FMO4: variants seen among roughly 807,000 people sequenced by gnomAD.
FMO4 encodes dimethylaniline monooxygenase [N-oxide-forming] 4.
Under a neutral mutation model 43.3 loss-of-function variants are expected in FMO4, and 38 were observed. The observed-to-expected ratio is 0.88, with a 90% CI of 0.68 to 1.15. FMO4 has a LOEUF of 1.15. Among genes scored for constraint, FMO4 ranks in the 50% most tolerant of loss-of-function variants. The pLI is 0.00. For synonymous variants in FMO4, 224 were observed against 232.2 expected (o/e 0.96, Z 0.32); for missense variants, 631 against 663.3 (o/e 0.95, Z 0.54).
intron 2 of FMO4, among the ~76,000 whole-genome samples, chr1:171,318,886 T>C (rs554960313): frequency 4.6e-5 from 7 of 152,222 alleles, no homozygotes; most frequent in Admixed American, 3.3e-4. Context: ...CTTGTTTGCA[T>C]GTTCAAACCC....
At chr1:171,325,817 C>CTTTTTTTTTTTTTTTTTTTTTTTTTTT (rs869107866) in intron 5 of FMO4, among the ~76,000 whole-genome samples, 1 of 51,032 alleles carries the variant, frequency 2.0e-5, no homozygotes, top group African/African-American at 6.3e-5. Flanking sequence ...ATAGACTATC[C>CTTTTTTTTTTTTTTTTTTTTTTTTTTT]TTTTTTTTTT....
At chr1:171,320,754 T>A (rs1036479021) in intron 3 of FMO4, among the ~76,000 whole-genome samples, 13 of 152,036 alleles carry the variant, frequency 8.6e-5, no homozygotes, top group African/African-American at 2.7e-4. Context: ...GGTGGGAGGA[T>A]CACTTGAGGC....
At chr1:171,325,514 T>G (rs1662620120) in intron 5 of FMO4, among the ~76,000 whole-genome samples, 1 of 152,116 alleles carries the variant, frequency 6.6e-6, no homozygotes, top group Admixed American at 6.5e-5. Flanking sequence ...TTCTTATAAA[T>G]GTAATCACAA....
chr1:171,323,295 T>A, intron 4 of FMO4, 103 bp downstream of exon 4: 1 of 720,708 alleles, frequency 1.4e-6, no homozygotes, highest in East Asian at 2.6e-5. Flanking sequence ...TGATTTTATC[T>A]CCAAATAAAT....
intron 2 of FMO4, among the ~76,000 whole-genome samples, chr1:171,318,489 T>TA (rs1158983116): frequency 1.3e-5 from 2 of 151,898 alleles, no homozygotes; most frequent in African/African-American, 4.8e-5. Flanking sequence ...CATTTCTATT[T>TA]AAAAAAATTA....
intron 8 of FMO4, among the ~76,000 whole-genome samples, chr1:171,336,836 A>C (rs1663136726): frequency 6.6e-6 from 1 of 152,020 alleles, no homozygotes. Flanking sequence ...TCTTGGACTT[A>C]AGCTGTCCTC....
At chr1:171,315,666 G>A (rs1382706420) in intron 1 of FMO4, among the ~76,000 whole-genome samples, 1 of 152,124 alleles carries the variant, frequency 6.6e-6, no homozygotes, top group Non-Finnish European at 1.5e-5. Context: ...ACTGACTCAA[G>A]GCAAAATTTA....
intron 2 of FMO4, 66 bp from the exon 3 acceptor site, chr1:171,319,752 C>A (rs1396364937): frequency 4.7e-6 from 7 of 1,488,850 alleles, no homozygotes; most frequent in Non-Finnish European, 6.5e-6. Context: ...AAAATTGAGT[C>A]TTTTGACAAG....
At position 171,324,226 on chromosome 1, in the gene FMO4, G is replaced by A. The variant is rs746015058; in HGVS notation, c.410G>A (p.Arg137Lys). ...ACAGAGACAGAGGGCAAGCAAAATA[G>A]AGCTGTCTTTGATGCTGTTATGGTT... ...VVTETEGKQN[R>K]AVFDAVMVCT... The change falls in exon 5 of 10, where the codon AGA becomes AAA. Residue 137 changes from arginine (R) to lysine (K), a missense_variant. Physicochemically the swap from Arg to Lys is conservative, Grantham distance 26. Transcript: ENST00000367749. 2 of 1,613,788 alleles carry A rather than the reference G, an allele frequency of 1.2e-6. No individual in the cohort carries two copies. Among genetic ancestry groups the A allele is most frequent in the South Asian group, 2.2e-5 (2 of 91,038 alleles).
chr1:171,334,444 G>T lies in FMO4; in HGVS notation c.861G>T (p.Leu287=). 2 of 1,598,204 alleles carry T rather than the reference G, an allele frequency of 1.3e-6. No homozygotes were observed. The highest frequency in any genetic ancestry group is 1.4e-5 in the African/African-American group (1 of 73,950). The change falls in exon 8 of 10, where the codon CTG becomes CTT. Residue 287 remains leucine (L), a synonymous_variant. Coordinates refer to ENST00000367749, the MANE Select transcript of FMO4 (RefSeq NM_002022.3). ...KKAKFIVNDE[L]PNCILCGAIT... is the part of the protein sequence containing the mutation. ...CAAAATTCATTGTGAATGATGAGCTGCCAAACTGTATCCTCTGTGGGGCAA... is the reference window on the plus strand; with the variant it reads ...CAAAATTCATTGTGAATGATGAGCTTCCAAACTGTATCCTCTGTGGGGCAA...
intron 3 of FMO4, 116 bp downstream of exon 3, chr1:171,320,073 C>A: frequency 9.5e-7 from 1 of 1,057,742 alleles, no homozygotes; most frequent in Non-Finnish European, 1.4e-6. Flanking sequence ...TGCAACGGCA[C>A]AAACAAGTGC....
chr1:171,335,568 G>A (rs1338415422), intron 8 of FMO4, among the ~76,000 whole-genome samples: 1 of 152,188 alleles, frequency 6.6e-6, no homozygotes, highest in African/African-American at 2.4e-5. Flanking sequence ...CAGCTATGCT[G>A]TAGAAAAATT....
Position 171,341,873 on chromosome 1 carries a change from C to T in FMO4, c.*34C>T. 1 of 1,525,008 alleles carries T rather than the reference C, an allele frequency of 6.6e-7. No homozygotes were observed. Among genetic ancestry groups the T allele is most frequent in the Non-Finnish European group, 8.9e-7 (1 of 1,120,218 alleles). The allele number at this position is 1,525,008 out of a possible 1,614,324, so 94.5% of individuals were successfully genotyped here. A position where few individuals can be genotyped will look rare whatever the true frequency, so the allele number is the denominator to read the frequency against. On this transcript the variant is annotated 3_prime_UTR_variant, in exon 10 of 10. Transcript: ENST00000367749. ...GTTACAAGGGTTACACAAAGTCATG[C>T]TAATTCTATCTCCAAGTATCTTGTG...
At chr1:171,330,048 A>T (rs555923891) in intron 5 of FMO4, among the ~76,000 whole-genome samples, 36 of 152,332 alleles carry the variant, frequency 2.4e-4, no homozygotes, top group African/African-American at 7.7e-4. Context: ...GCACTATAAG[A>T]TCTCTTATGT....
Position 171,338,513 on chromosome 1 carries a change from C to T in FMO4, c.1250+1088C>T, listed in dbSNP as rs1259496738. Reference sequence around the variant, plus strand: ...TCCATCTCATCCATGCTGCTTTAGGCATTCCAGCCTCCTACCTGTTCCTCA... The same window carrying T: ...TCCATCTCATCCATGCTGCTTTAGGTATTCCAGCCTCCTACCTGTTCCTCA... On this transcript the variant is annotated intron_variant, in intron 9 of 9. Transcript: ENST00000367749. Among the ~76,000 whole-genome samples the T allele has an allele frequency of 3.9e-5, 6 of 152,208 alleles. No individual in the cohort carries two copies. In the East Asian group the frequency reaches 9.6e-4, roughly 24 times the overall value.
intron 6 of FMO4, among the ~76,000 whole-genome samples, chr1:171,332,031 C>T (rs562183039): frequency 1.1e-4 from 17 of 152,158 alleles, no homozygotes; most frequent in Non-Finnish European, 2.5e-4. Context: ...GATGCCAGAC[C>T]TCTAAGCATT....
chr1:171,333,782 G>T (rs1420012108), intron 7 of FMO4, among the ~76,000 whole-genome samples: 1 of 152,078 alleles, frequency 6.6e-6, no homozygotes, highest in Non-Finnish European at 1.5e-5. Flanking sequence ...AAATATGTTT[G>T]ATGTGATTAG....
chr1:171,332,945 A>T, intron 7 of FMO4, 37 bp downstream of exon 7: 1 of 901,332 alleles, frequency 1.1e-6, no homozygotes, highest in Non-Finnish European at 1.8e-6. Context: ...AAAATATTAA[A>T]TCAATATTTA....
In FMO4 at chr1:171,323,068, T is replaced by C. The variant is rs1662503686; in HGVS notation, c.197T>C (p.Met66Thr). The C allele has an allele frequency of 3.7e-6, 6 of 1,613,168 alleles. No individual in the cohort carries two copies. Among genetic ancestry groups the C allele is most frequent in the Non-Finnish European group, 5.1e-6 (6 of 1,179,266 alleles). ...KSLVTNVCKE[M>T]SCYSDFPFHE... ...TTAGTGACAAATGTCTGTAAGGAAA[T>C]GTCATGTTACAGTGACTTCCCTTTC... The change falls in exon 4 of 10, where the codon ATG becomes ACG. Residue 66 changes from methionine to threonine, a missense_variant. Coordinates refer to ENST00000367749, the MANE Select transcript of FMO4 (RefSeq NM_002022.3).
Sources: allele counts gnomAD v4.1 joint callset (sites outside exome capture counted in the v4.1 genomes callset), GRCh38; gene constraint gnomAD v4.1.1; transcripts MANE v1.5; gene names NCBI Gene and HGNC (gene_info 2026-07-23, HGNC 2026-07-21).